Variants in MGST1 observed in about 807,000 individuals in gnomAD.
MGST1 encodes the protein microsomal glutathione S-transferase 1.
A neutral mutation model predicts 8.9 loss-of-function variants in MGST1; 5 were observed. The ratio of observed to expected loss-of-function variants is 0.56; its 90% CI spans 0.29 to 1.19. MGST1 has a LOEUF of 1.19. Ranked by LOEUF, MGST1 falls within the 50% of genes most tolerant of loss-of-function variation. MGST1 has a pLI of 0.08. For missense variants in MGST1, 182 were observed against 187.4 expected (o/e 0.97, Z 0.17); for synonymous variants, 54 against 67.8 (o/e 0.80, Z 1.00).
At chr12:16,571,264 G>A (rs983067484) in intron 4 of MGST1, among the ~76,000 whole-genome samples, 22 of 152,084 alleles carry the variant, frequency 1.4e-4, no homozygotes, top group Middle Eastern at 6.8e-3. Flanking sequence ...AGGATATTAC[G>A]TTACAAAGGC....
chr12:16,411,811 C>CTACTAATCT (rs2137074578), intron 1 of MGST1, among the ~76,000 whole-genome samples: 1 of 152,206 alleles, frequency 6.6e-6, no homozygotes, highest in Admixed American at 6.5e-5. Context: ...GTAGAACAAT[C>CTACTAATCT]ACTAAGAACA....
intron 1 of MGST1, among the ~76,000 whole-genome samples, chr12:16,387,675 C>T (rs1397549061): frequency 2.0e-5 from 3 of 151,950 alleles, no homozygotes; most frequent in Non-Finnish European, 4.4e-5. Context: ...TACAGGCGCC[C>T]ACCACCACGC....
chr12:16,560,140 A>T lies in MGST1; in HGVS notation n.483-29388A>T, dbSNP rs1314528708. ...TTTTAAAAAGACAGGAAAATAATAAAAGAAGGAATGAGTAAAAGAAGTCAG... is the reference window on the plus strand; with the variant it reads ...TTTTAAAAAGACAGGAAAATAATAATAGAAGGAATGAGTAAAAGAAGTCAG... On this transcript the variant is annotated intron_variant and non_coding_transcript_variant, in intron 4 of 4. Transcript: ENST00000538857. This position sits in a 1 kb window ranked among gnomAD's most constrained non-coding sequence, Gnocchi z 5.0. Among the ~76,000 whole-genome samples, 1 of 152,192 alleles carries T rather than the reference A, an allele frequency of 6.6e-6. No homozygotes were observed. The highest frequency in any genetic ancestry group is 1.5e-5 in the Non-Finnish European group (1 of 68,028).
intron 1 of MGST1, chr12:16,399,294 G>A (rs998049279): frequency 6.9e-6 from 11 of 1,605,686 alleles, no homozygotes; most frequent in African/African-American, 1.3e-5. Flanking sequence ...CTTTTTCTTG[G>A]GGGGTGCAGA....
intron 1 of MGST1, among the ~76,000 whole-genome samples, chr12:16,435,601 G>T (rs1024233400): frequency 6.6e-6 from 1 of 151,730 alleles, no homozygotes; most frequent in Non-Finnish European, 1.5e-5. Context: ...TCAACATTCA[G>T]CAAATATTTA....
intron 1 of MGST1, among the ~76,000 whole-genome samples, chr12:16,418,139 C>T (rs917997382): frequency 6.6e-6 from 1 of 152,094 alleles, no homozygotes; most frequent in African/African-American, 2.4e-5. Flanking sequence ...CATCCATGGG[C>T]CCCGAGTTTT....
chr12:16,565,738 T>C (rs1306744583), intron 4 of MGST1, among the ~76,000 whole-genome samples: 2 of 151,704 alleles, frequency 1.3e-5, no homozygotes, highest in African/African-American at 4.8e-5. Flanking sequence ...TGACACTCTG[T>C]TGGTGAGATT....
chr12:16,584,282 G>A lies in MGST1; in HGVS notation n.483-5246G>A, dbSNP rs551300431. On this transcript the variant is annotated intron_variant and non_coding_transcript_variant, in intron 4 of 4. Transcript: ENST00000538857. The surrounding 1 kb of genome is among the most constrained non-coding windows in gnomAD (Gnocchi z 5.2). The stretch of plus-strand genomic sequence containing the variant: ...GTTTCTCCTCTTGGCTTCATGGAAT[G>A]TGGGATTTACATGAGTAAGTAGTAC... Among the ~76,000 whole-genome samples the A allele has an allele frequency of 3.3e-4, 51 of 152,298 alleles. 1 individual carries two copies. The South Asian group carries it at 6.0e-3, about 18-fold the overall frequency.
chr12:16,462,362 A>G (rs1941227122), intron 4 of MGST1, among the ~76,000 whole-genome samples: 1 of 152,194 alleles, frequency 6.6e-6, no homozygotes, highest in African/African-American at 2.4e-5. Context: ...ATAAGTCCAT[A>G]GAGACCTTCT....
chr12:16,551,302 G>A (rs1307854873), intron 4 of MGST1: 1 of 1,611,198 alleles, frequency 6.2e-7, no homozygotes, highest in East Asian at 2.2e-5. Flanking sequence ...TTATTCTTTA[G>A]GAAAAATTTG....
At position 16,401,660 on chromosome 12, in the gene MGST1, A is replaced by G. The variant is rs1940656446; in HGVS notation, n.778+18056A>G. Reference sequence around the variant, plus strand: ...TGTCACTCACCACACTGAACTTGAGATTATAGTTGCCACCACTCTGAATGA... The same window carrying G: ...TGTCACTCACCACACTGAACTTGAGGTTATAGTTGCCACCACTCTGAATGA... On this transcript the variant is annotated intron_variant and non_coding_transcript_variant, in intron 1 of 1. Coordinates refer to the MGST1 transcript ENST00000359720. The surrounding 1 kb of genome is among the most constrained non-coding windows in gnomAD (Gnocchi z 4.3). 10 of 1,601,838 alleles carry G rather than the reference A, an allele frequency of 6.2e-6. No homozygotes were observed. The highest frequency in any genetic ancestry group is 8.6e-6 in the Non-Finnish European group (10 of 1,168,916).
intron 3 of MGST1, 101 bp downstream of exon 3, chr12:16,357,800 G>A: frequency 2.4e-6 from 2 of 840,880 alleles, no homozygotes; most frequent in South Asian, 3.5e-5. Context: ...GAAAAAAAGT[G>A]AGACCTCTTA....
chr12:16,412,788 G>C (rs1423985444), intron 1 of MGST1, among the ~76,000 whole-genome samples: 1 of 152,158 alleles, frequency 6.6e-6, no homozygotes, highest in Non-Finnish European at 1.5e-5. Flanking sequence ...ATGTGGAACT[G>C]TAAGTCCATT....
Position 16,456,935 on chromosome 12 carries a change from A to C in MGST1, n.482+73331A>C, listed in dbSNP as rs78151104. On this transcript the variant is annotated intron_variant and non_coding_transcript_variant, in intron 4 of 4. Transcript: ENST00000538857. ...CTCTAACCTGGACTAATGCAGAGTC[A>C]TTAACAGCTCTCCCTCTCTTTGGTT... Among the ~76,000 whole-genome samples the C allele has an allele frequency of 5.0e-3, 762 of 152,062 alleles. 3 individuals are homozygous for C. The highest frequency in any genetic ancestry group is 0.018 in the African/African-American group (741 of 41,536).
At chr12:16,479,236 T>C (rs1253980367) in intron 4 of MGST1, among the ~76,000 whole-genome samples, 1 of 22,542 alleles carries the variant, frequency 4.4e-5, no homozygotes, top group Non-Finnish European at 9.7e-5. Context: ...AGACTGTATC[T>C]TTTTTTTTTT....
At chr12:16,397,656 C>T (rs760988312) in intron 1 of MGST1, among the ~76,000 whole-genome samples, 5 of 151,760 alleles carry the variant, frequency 3.3e-5, no homozygotes, top group African/African-American at 9.7e-5. Flanking sequence ...AAAAGATACA[C>T]GAATGGCCAA....
chr12:16,564,899 C>T (rs562661466), intron 4 of MGST1, among the ~76,000 whole-genome samples: 39 of 152,204 alleles, frequency 2.6e-4, no homozygotes, highest in African/African-American at 9.4e-4. Flanking sequence ...GATCTTCGTG[C>T]CTCAGCTCCC....
At chr12:16,522,490 T>C (rs1418177512) in intron 4 of MGST1, among the ~76,000 whole-genome samples, 1 of 152,044 alleles carries the variant, frequency 6.6e-6, no homozygotes, top group Non-Finnish European at 1.5e-5. Flanking sequence ...CTAGCCTTTT[T>C]TTCTTTGCTT....
chr12:16,456,034 T>C (rs1444492443), intron 4 of MGST1, among the ~76,000 whole-genome samples: 1 of 151,924 alleles, frequency 6.6e-6, no homozygotes, highest in Non-Finnish European at 1.5e-5. Flanking sequence ...CTTGATATAT[T>C]TGAGCAAGTG....
Sources: allele counts gnomAD v4.1 joint callset (sites outside exome capture counted in the v4.1 genomes callset), GRCh38; gene constraint gnomAD v4.1.1; non-coding constraint Gnocchi (gnomAD v3.1); transcripts MANE v1.5; gene names NCBI Gene and HGNC (gene_info 2026-07-23, HGNC 2026-07-21).